The following FBXL7 variants were observed in gnomAD, a reference collection of about 807,000 sequenced individuals.
FBXL7 encodes F-box and leucine rich repeat protein 7, also known as F-box/LRR-repeat protein 7.
A neutral mutation model predicts 38.3 loss-of-function variants in FBXL7; 12 were observed. The observed-to-expected ratio is 0.31, with a 90% CI of 0.20 to 0.51. The LOEUF (loss-of-function observed/expected upper bound fraction) is 0.51. Among genes scored for constraint, FBXL7 ranks in the 20% least tolerant of loss-of-function variants. The pLI is 0.98. For missense variants in FBXL7, 567 were observed against 676.4 expected, an observed-to-expected ratio of 0.84 and a Z score of 1.79; for synonymous variants, 297 against 300.9, an observed-to-expected ratio of 0.99 and a Z score of 0.13.
At chr5:15,923,610 C>G (rs1741802666) in intron 2 of FBXL7, among the ~76,000 whole-genome samples, 1 of 152,050 alleles carries the variant, frequency 6.6e-6, no homozygotes, top group East Asian at 1.9e-4. Context: ...AGGTATGCAT[C>G]TCTGTACTTT....
At chr5:15,704,967 T>TA (rs5866158) in intron 2 of FBXL7, among the ~76,000 whole-genome samples, 93,723 of 147,478 alleles carry the variant, frequency 0.64, 29,577 homozygotes, top group East Asian at 0.82. Context: ...ATGGGCTAGG[T>TA]AAAAAAAAAA....
intron 2 of FBXL7, among the ~76,000 whole-genome samples, chr5:15,675,528 G>A (rs1742623940): frequency 6.6e-6 from 1 of 152,172 alleles, no homozygotes; most frequent in African/African-American, 2.4e-5. Flanking sequence ...TCTACTTACT[G>A]AACTGAGATA....
At chr5:15,587,011 A>G (rs1375561085) in intron 1 of FBXL7, among the ~76,000 whole-genome samples, 1 of 152,132 alleles carries the variant, frequency 6.6e-6, no homozygotes, top group African/African-American at 2.4e-5. Flanking sequence ...TCCCACTGCA[A>G]TGGCTTCTTT....
At chr5:15,640,772 C>G (rs978230955) in intron 2 of FBXL7, among the ~76,000 whole-genome samples, 1 of 152,216 alleles carries the variant, frequency 6.6e-6, no homozygotes, top group Non-Finnish European at 1.5e-5. Context: ...GATCCGCCCA[C>G]CTTGGCCTCC....
At chr5:15,801,052 A>G (rs376524847) in intron 2 of FBXL7, among the ~76,000 whole-genome samples, 1 of 152,196 alleles carries the variant, frequency 6.6e-6, no homozygotes, top group African/African-American at 2.4e-5. Flanking sequence ...GGCAGAATTT[A>G]CTTTTCTCTG....
intron 2 of FBXL7, among the ~76,000 whole-genome samples, chr5:15,766,818 T>C (rs1444025621): frequency 6.6e-6 from 1 of 152,188 alleles, no homozygotes; most frequent in East Asian, 1.9e-4. Flanking sequence ...TTTCTAATCA[T>C]TAGACTCTAA....
At chr5:15,705,092 T>A (rs1743639763) in intron 2 of FBXL7, among the ~76,000 whole-genome samples, 1 of 152,176 alleles carries the variant, frequency 6.6e-6, no homozygotes, top group African/African-American at 2.4e-5. Context: ...TTCTCACAAT[T>A]CTCTATGATT....
At chr5:15,912,176 G>A in intron 2 of FBXL7, among the ~76,000 whole-genome samples, 1 of 62,836 alleles carries the variant, frequency 1.6e-5, no homozygotes, top group Non-Finnish European at 2.8e-5. Flanking sequence ...CAATCAGCGA[G>A]ATTCCGTGGG....
At chr5:15,501,599 A>G (rs1736487804) in intron 1 of FBXL7, 2 of 985,416 alleles carry the variant, frequency 2.0e-6, no homozygotes, top group Non-Finnish European at 2.4e-6. Flanking sequence ...CCCCCAGAGG[A>G]CAGTTGGTTA....
At chr5:15,813,622 C>CGATA (rs1308837331) in intron 2 of FBXL7, among the ~76,000 whole-genome samples, 1 of 152,112 alleles carries the variant, frequency 6.6e-6, no homozygotes, top group African/African-American at 2.4e-5. Context: ...AAGAAACTAT[C>CGATA]ATCAGAGTGA....
At chr5:15,833,906 A>G (rs745531797) in intron 2 of FBXL7, among the ~76,000 whole-genome samples, 2 of 152,192 alleles carry the variant, frequency 1.3e-5, no homozygotes, top group African/African-American at 2.4e-5. Flanking sequence ...TGAAACACAT[A>G]TTTAAGTAAC....
intron 3 of FBXL7, among the ~76,000 whole-genome samples, chr5:15,935,916 C>T (rs1463975511): frequency 1.3e-5 from 2 of 152,170 alleles, no homozygotes; most frequent in Non-Finnish European, 2.9e-5. Context: ...AGGTGTGACT[C>T]CTAACCCAGT....
intron 2 of FBXL7, among the ~76,000 whole-genome samples, chr5:15,830,368 C>T: frequency 6.6e-6 from 1 of 151,926 alleles, no homozygotes; most frequent in African/African-American, 2.4e-5. Flanking sequence ...CCTGTAATCC[C>T]AGCTACTCAG....
chr5:15,805,900 G>A (rs1318169497), intron 2 of FBXL7, among the ~76,000 whole-genome samples: 1 of 152,186 alleles, frequency 6.6e-6, no homozygotes, highest in Non-Finnish European at 1.5e-5. Context: ...AAGTAGCTGA[G>A]AGGCTTATCT....
intron 2 of FBXL7, among the ~76,000 whole-genome samples, chr5:15,802,894 C>CCGCCT (rs1464792470): frequency 6.6e-6 from 1 of 152,174 alleles, no homozygotes; most frequent in Non-Finnish European, 1.5e-5. Flanking sequence ...CTCAGGTGAT[C>CCGCCT]CGCCTGCCTC....
chr5:15,532,649 G>A (rs140652231), intron 1 of FBXL7, among the ~76,000 whole-genome samples: 1 of 152,358 alleles, frequency 6.6e-6, no homozygotes, highest in Middle Eastern at 3.4e-3. Flanking sequence ...CTGCCTTATG[G>A]ACTCTGTTTC....
In FBXL7 at chr5:15,656,053, T is replaced by C. The variant is rs373778354; in HGVS notation, c.127+39981T>C. On this transcript the variant is annotated intron_variant, in intron 2 of 3. Transcript: ENST00000504595. ...GTTTGTTTAAAATACTAAGAACTTT[T>C]ATTTTACATAAAACATTTCTTGGTT... Among the ~76,000 whole-genome samples, 5 of 152,346 alleles carry C rather than the reference T, an allele frequency of 3.3e-5. No homozygotes were observed. The East Asian group carries it at 9.6e-4, about 29-fold the overall frequency.
At chr5:15,507,207 A>G (rs1029349779) in intron 1 of FBXL7, among the ~76,000 whole-genome samples, 3 of 152,074 alleles carry the variant, frequency 2.0e-5, no homozygotes, top group African/African-American at 7.2e-5. Context: ...GTAGGTGTTC[A>G]TCTTTTGCCT....
At chr5:15,892,914 G>C (rs183967640) in intron 2 of FBXL7, among the ~76,000 whole-genome samples, 2,941 of 152,142 alleles carry the variant, frequency 0.019, 69 homozygotes, top group African/African-American at 0.068. Context: ...TCAGGAGATC[G>C]AGACCATCCT....
Sources: gnomAD v4.1 joint callset for allele counts (sites outside exome capture counted in the v4.1 genomes callset) on GRCh38, gnomAD v4.1.1 for gene constraint, MANE v1.5 for transcripts, NCBI Gene and HGNC (gene_info 2026-07-23, HGNC 2026-07-21) for gene names.